The following KCND2 variants were observed in gnomAD, a reference collection of about 807,000 sequenced individuals.
The protein encoded by KCND2 is potassium voltage-gated channel subfamily D member 2, also known as A-type voltage-gated potassium channel KCND2.
Under a neutral mutation model 54.4 loss-of-function variants are expected in KCND2, and 16 were observed. The ratio of observed to expected loss-of-function variants is 0.29; its 90% confidence interval spans 0.20 to 0.45. KCND2 has a LOEUF of 0.45. KCND2 is among the 20% of genes least tolerant of loss of function. KCND2 has a pLI of 1.00. For missense variants in KCND2, 486 were observed against 824.2 expected (o/e 0.59, Z 5.02); for synonymous variants, 317 against 310.7 (o/e 1.02, Z -0.21).
intron 1 of KCND2, among the ~76,000 whole-genome samples, chr7:120,313,990 G>A (rs1395423121): frequency 1.3e-5 from 2 of 150,324 alleles, no homozygotes; most frequent in African/African-American, 4.9e-5. Flanking sequence ...GCTTCTACTT[G>A]CTTCAAAAAG....
intron 1 of KCND2, among the ~76,000 whole-genome samples, chr7:120,700,127 A>G (rs956550684): frequency 3.9e-5 from 6 of 152,206 alleles, no homozygotes; most frequent in Non-Finnish European, 7.3e-5. Context: ...TAAATCAGAA[A>G]AAATATGAGT....
Position 120,650,577 on chromosome 7 carries a change from G to C in KCND2, c.1116-82326G>C, listed in dbSNP as rs142253654. On this transcript the variant is annotated intron_variant, in intron 1 of 5. Coordinates refer to ENST00000331113, the MANE Select transcript of KCND2 (RefSeq NM_012281.3). ...GGGTTCGAACTTCCTCCTTTAGCTC[G>C]GAGAAGTTTGATCGTCTGAAGCCTT... is the stretch of plus-strand genomic sequence containing the variant. Among the ~76,000 whole-genome samples, 2 of 143,052 alleles carry C rather than the reference G, an allele frequency of 1.4e-5. 1 individual carries two copies. Among genetic ancestry groups the C allele is most frequent in the Admixed American group, 1.4e-4 (2 of 14,810 alleles). The allele number at this position is 143,052 out of a possible 152,430, so 93.8% of individuals were successfully genotyped here. A position where few individuals can be genotyped will look rare whatever the true frequency, so the allele number is the denominator to read the frequency against.
At chr7:120,392,089 G>A (rs1307964706) in intron 1 of KCND2, among the ~76,000 whole-genome samples, 2 of 152,004 alleles carry the variant, frequency 1.3e-5, no homozygotes, top group Non-Finnish European at 2.9e-5. Flanking sequence ...GTTAATTTTT[G>A]TATAAGATGT....
chr7:120,381,569 A>G (rs954222193), intron 1 of KCND2, among the ~76,000 whole-genome samples: 12 of 152,058 alleles, frequency 7.9e-5, no homozygotes, highest in Non-Finnish European at 1.5e-4. Flanking sequence ...TTGGCATTAC[A>G]TGGACAAATA....
At chr7:120,356,891 GT>G (rs1308506520) in intron 1 of KCND2, among the ~76,000 whole-genome samples, 1 of 152,040 alleles carries the variant, frequency 6.6e-6, no homozygotes, top group African/African-American at 2.4e-5. Flanking sequence ...TTCCAGGCTG[GT>G]TAGCGTTACT....
chr7:120,384,513 A>C (rs184037587), intron 1 of KCND2, among the ~76,000 whole-genome samples: 2 of 152,270 alleles, frequency 1.3e-5, no homozygotes, highest in Admixed American at 1.3e-4. Flanking sequence ...CTGTAGTGTT[A>C]ACTTGAGTTT....
At chr7:120,510,951 C>G (rs1270835876) in intron 1 of KCND2, among the ~76,000 whole-genome samples, 1 of 149,060 alleles carries the variant, frequency 6.7e-6, no homozygotes, top group African/African-American at 2.5e-5. Context: ...CGTAGAAAAA[C>G]CCAAATCCTA....
intron 1 of KCND2, among the ~76,000 whole-genome samples, chr7:120,455,647 C>G (rs1311579548): frequency 6.6e-6 from 1 of 152,126 alleles, no homozygotes; most frequent in South Asian, 2.1e-4. Context: ...AAATACTACA[C>G]AGACATAAAA....
chr7:120,533,972 A>G (rs1791872779), intron 1 of KCND2, among the ~76,000 whole-genome samples: 1 of 152,176 alleles, frequency 6.6e-6, no homozygotes, highest in Non-Finnish European at 1.5e-5. Context: ...GCACTATGTC[A>G]TCCACAACTG....
rs186166789 is a variant in KCND2, at chr7:120,488,643, G to A, written c.1115+212896G>A. On this transcript the variant is annotated intron_variant, in intron 1 of 5. Coordinates refer to ENST00000331113, the MANE Select transcript of KCND2 (RefSeq NM_012281.3). ...AAAAATTCTTTTGTGGCCCCTCACA[G>A]GCTATTTAACCTCTTTCATGTTTAT... Among the ~76,000 whole-genome samples, 150 of 152,112 alleles carry A rather than the reference G, an allele frequency of 9.9e-4. 2 individuals are homozygous for A. The highest frequency in any genetic ancestry group is 3.4e-3 in the African/African-American group (143 of 41,522).
chr7:120,435,084 C>A (rs554381113), intron 1 of KCND2, among the ~76,000 whole-genome samples: 1 of 141,370 alleles, frequency 7.1e-6, no homozygotes, highest in African/African-American at 2.6e-5. Context: ...GAATAACAAA[C>A]AATAAATTTT....
intron 1 of KCND2, among the ~76,000 whole-genome samples, chr7:120,553,343 A>G (rs1001420208): frequency 1.3e-5 from 2 of 152,146 alleles, no homozygotes; most frequent in Admixed American, 6.5e-5. Context: ...TTCTTTTATT[A>G]AGGCTAAATG....
chr7:120,709,745 G>A (rs902550636), intron 1 of KCND2, among the ~76,000 whole-genome samples: 4 of 152,124 alleles, frequency 2.6e-5, no homozygotes, highest in Non-Finnish European at 5.9e-5. Context: ...AGGGCTGTCA[G>A]CTCCCCCACT....
At chr7:120,537,281 G>A (rs1047299233) in intron 1 of KCND2, among the ~76,000 whole-genome samples, 2 of 152,024 alleles carry the variant, frequency 1.3e-5, no homozygotes, top group Non-Finnish European at 2.9e-5. Context: ...TTTTTTCTGA[G>A]CAATTTGTCT....
chr7:120,476,829 AGAAAG>A, intron 1 of KCND2, among the ~76,000 whole-genome samples: 1 of 152,322 alleles, frequency 6.6e-6, no homozygotes, highest in African/African-American at 2.4e-5. Flanking sequence ...TAAAAGGAAA[AGAAAG>A]AAATATCTAA....
chr7:120,290,405 C>T (rs1799415116), intron 1 of KCND2, among the ~76,000 whole-genome samples: 1 of 152,004 alleles, frequency 6.6e-6, no homozygotes, highest in East Asian at 1.9e-4. Flanking sequence ...CATTCCTCTG[C>T]AAAACTCTTT....
At chr7:120,601,071 A>T (rs1792807716) in intron 1 of KCND2, among the ~76,000 whole-genome samples, 1 of 152,064 alleles carries the variant, frequency 6.6e-6, no homozygotes, top group Admixed American at 6.6e-5. Flanking sequence ...CATTTCTTAA[A>T]TTTTTTTCTG....
At chr7:120,386,955 TG>T (rs1800997630) in intron 1 of KCND2, among the ~76,000 whole-genome samples, 8 of 152,290 alleles carry the variant, frequency 5.3e-5, no homozygotes, top group Admixed American at 5.2e-4. Context: ...ATTCCAGTGA[TG>T]GGACCACTCT....
chr7:120,550,492 T>C (rs1792092617), intron 1 of KCND2, among the ~76,000 whole-genome samples: 1 of 152,168 alleles, frequency 6.6e-6, no homozygotes, highest in Non-Finnish European at 1.5e-5. Context: ...GAATTAATCA[T>C]GTTCAGTTGG....
Sources: allele counts gnomAD v4.1 joint callset (sites outside exome capture counted in the v4.1 genomes callset), GRCh38; gene constraint gnomAD v4.1.1; transcripts MANE v1.5; gene names NCBI Gene and HGNC (gene_info 2026-07-23, HGNC 2026-07-21).